Variants in PDE4D observed in about 807,000 individuals in gnomAD.
PDE4D encodes phosphodiesterase 4D.
PDE4D carries 24 observed loss-of-function variants against 87.4 expected under a neutral mutation model. That is an observed-to-expected ratio of 0.27 (90% CI 0.20 to 0.39). The LOEUF is 0.39. Among genes scored for constraint, PDE4D ranks in the 10% least tolerant of loss-of-function variants. PDE4D has a pLI of 1.00. For synonymous variants in PDE4D, 384 were observed against 383.2 expected, an observed-to-expected ratio of 1.00 and a Z score of -0.02; for missense variants, 714 against 1,041.0, an observed-to-expected ratio of 0.69 and a Z score of 4.32.
At chr5:59,914,229 A>AATATAC (rs1463813122) in intron 3 of PDE4D, among the ~76,000 whole-genome samples, 1 of 152,198 alleles carries the variant, frequency 6.6e-6, no homozygotes, top group Non-Finnish European at 1.5e-5. Context: ...ACAACAAATT[A>AATATAC]ATATACATAT....
chr5:60,165,877 G>C (rs1481697694), intron 2 of PDE4D, among the ~76,000 whole-genome samples: 1 of 151,398 alleles, frequency 6.6e-6, no homozygotes, highest in Non-Finnish European at 1.5e-5. Context: ...TACATTCAGG[G>C]CTTATTTATG....
chr5:59,938,179 A>G (rs983010133), intron 3 of PDE4D, among the ~76,000 whole-genome samples: 1 of 152,142 alleles, frequency 6.6e-6, no homozygotes, highest in Non-Finnish European at 1.5e-5. Context: ...AGCACCCTTC[A>G]ATTGCATTCA....
At chr5:60,505,673 A>G (rs1482124456) in intron 1 of PDE4D, among the ~76,000 whole-genome samples, 2 of 152,242 alleles carry the variant, frequency 1.3e-5, no homozygotes, top group African/African-American at 4.8e-5. Flanking sequence ...GAAATAAAAT[A>G]AGCATAGTAC....
At chr5:59,039,848 G>A (rs1759352860) in intron 5 of PDE4D, 1 of 152,490 alleles carries the variant, frequency 6.6e-6, no homozygotes, top group Non-Finnish European at 1.5e-5. Context: ...GTCTGTGCTA[G>A]GAGAGCGGCG....
intron 5 of PDE4D, among the ~76,000 whole-genome samples, chr5:59,059,858 C>T (rs997762707): frequency 1.3e-5 from 2 of 152,106 alleles, no homozygotes; most frequent in African/African-American, 2.4e-5. Context: ...TATTAATAGG[C>T]AACATTGTGG....
intron 1 of PDE4D, among the ~76,000 whole-genome samples, chr5:60,505,522 G>A (rs1287916903): frequency 1.3e-5 from 2 of 152,122 alleles, no homozygotes; most frequent in African/African-American, 4.8e-5. Flanking sequence ...CTATAATACA[G>A]CCACGGGACT....
intron 5 of PDE4D, among the ~76,000 whole-genome samples, chr5:59,075,001 A>G (rs1050822172): frequency 1.3e-5 from 2 of 151,942 alleles, no homozygotes; most frequent in Admixed American, 6.6e-5. Flanking sequence ...CCTGAGAGAC[A>G]TAATGGAGTT....
At chr5:60,191,133 G>T (rs571200214) in intron 1 of PDE4D, among the ~76,000 whole-genome samples, 14 of 152,206 alleles carry the variant, frequency 9.2e-5, no homozygotes, top group Non-Finnish European at 1.9e-4. Flanking sequence ...ACTGCGCCAA[G>T]TCACATAGAT....
intron 1 of PDE4D, among the ~76,000 whole-genome samples, chr5:60,328,320 G>C (rs1756990068): frequency 6.6e-6 from 1 of 152,040 alleles, no homozygotes; most frequent in Non-Finnish European, 1.5e-5. Context: ...AGCTCTCCAA[G>C]GGAAAAAGAC....
At chr5:59,756,234 T>C (rs558164238) in intron 1 of PDE4D, among the ~76,000 whole-genome samples, 1 of 151,996 alleles carries the variant, frequency 6.6e-6, no homozygotes, top group East Asian at 1.9e-4. Flanking sequence ...TAAGCTTAGG[T>C]CTTGATATAT....
chr5:59,100,017 C>G (rs777206982), intron 5 of PDE4D, among the ~76,000 whole-genome samples: 1 of 152,318 alleles, frequency 6.6e-6, no homozygotes, highest in East Asian at 1.9e-4. Flanking sequence ...CATAACACCC[C>G]TCATATGAAA....
In PDE4D at chr5:60,061,947, C is replaced by CA. The variant is rs1156547265; in HGVS notation, c.43-73231dup. ...GGATTAAAGACTTAAATGTAAAACC[C>CA]AAAACCATAAAAACCCTGGAAGAAA... On this transcript the variant is annotated intron_variant, in intron 2 of 16. Transcript: ENST00000502484. Among the ~76,000 whole-genome samples, 4 of 152,104 alleles carry CA rather than the reference C, an allele frequency of 2.6e-5. No homozygotes were observed. In the East Asian group the frequency reaches 7.8e-4, roughly 29 times the overall value.
chr5:59,492,154 C>G (rs2153660657), intron 1 of PDE4D, among the ~76,000 whole-genome samples: 1 of 152,280 alleles, frequency 6.6e-6, no homozygotes, highest in African/African-American at 2.4e-5. Flanking sequence ...TGTTGCATCA[C>G]CTCTTTCTTC....
intron 2 of PDE4D, among the ~76,000 whole-genome samples, chr5:60,159,420 A>G (rs1023218646): frequency 6.6e-6 from 1 of 152,168 alleles, no homozygotes; most frequent in African/African-American, 2.4e-5. Context: ...CTTAACAGTA[A>G]CACTTATTAT....
intron 1 of PDE4D, among the ~76,000 whole-genome samples, chr5:59,701,551 C>T (rs1752565311): frequency 6.6e-6 from 1 of 152,138 alleles, no homozygotes; most frequent in Non-Finnish European, 1.5e-5. Flanking sequence ...CAAATGTAAG[C>T]ACAATGGAGA....
chr5:59,845,886 C>G (rs981753925), intron 1 of PDE4D, among the ~76,000 whole-genome samples: 4 of 151,964 alleles, frequency 2.6e-5, no homozygotes, highest in African/African-American at 9.7e-5. Flanking sequence ...GTTTCAAAGC[C>G]TGGTTAGCCA....
chr5:59,927,846 A>G (rs1755460727), intron 3 of PDE4D, among the ~76,000 whole-genome samples: 2 of 152,218 alleles, frequency 1.3e-5, no homozygotes, highest in South Asian at 2.1e-4. Context: ...CTAGTTGTTC[A>G]CTACTTGAAT....
At position 58,969,497 on chromosome 5, in the gene PDE4D, T is replaced by G. The variant is rs1258748855; in HGVS notation, c.*5167A>C. 1 of 152,228 alleles carries G rather than the reference T, an allele frequency of 6.6e-6. No homozygotes were observed. Among genetic ancestry groups the G allele is most frequent in the Non-Finnish European group, 1.5e-5 (1 of 68,068 alleles). 9.4% of individuals were successfully genotyped at this position (152,228 alleles called of 1,614,324 possible). On this transcript the variant is annotated 3_prime_UTR_variant, in exon 15 of 15. Coordinates refer to ENST00000340635, the MANE Select transcript of PDE4D (RefSeq NM_001104631.2). ...CCTGTCAACTTTTTCCCTAGTTACC[T>G]CTTACAATCCTTCAGAACTCAGATG...
At chr5:59,282,931 A>C (rs1003519180) in intron 1 of PDE4D, among the ~76,000 whole-genome samples, 1 of 152,152 alleles carries the variant, frequency 6.6e-6, no homozygotes, top group Admixed American at 6.5e-5. Flanking sequence ...CTCTGAGAAA[A>C]ACGCCTACTA....
Sources: gnomAD v4.1 joint callset for allele counts (sites outside exome capture counted in the v4.1 genomes callset) on GRCh38, gnomAD v4.1.1 for gene constraint, MANE v1.5 for transcripts, NCBI Gene and HGNC (gene_info 2026-07-23, HGNC 2026-07-21) for gene names.